The following FMNL2 variants were observed in gnomAD, a reference collection of about 807,000 sequenced individuals.
The protein encoded by FMNL2 is formin like 2.
FMNL2 carries 51 observed loss-of-function variants against 130.2 expected under a neutral mutation model. That is an observed-to-expected ratio of 0.39 (90% confidence interval 0.31 to 0.49). FMNL2 has a LOEUF of 0.49. Among genes scored for constraint, FMNL2 ranks in the 20% least tolerant of loss-of-function variants. The pLI, the probability that FMNL2 is intolerant of heterozygous loss-of-function variation, is 0.85. For missense variants in FMNL2, 977 were observed against 1,316.2 expected, an observed-to-expected ratio of 0.74 and a Z score of 3.99; for synonymous variants, 465 against 467.1, an observed-to-expected ratio of 1.00 and a Z score of 0.06.
At chr2:152,449,085 G>GGT (rs1308232010) in intron 1 of FMNL2, among the ~76,000 whole-genome samples, 2 of 152,258 alleles carry the variant, frequency 1.3e-5, no homozygotes, top group Non-Finnish European at 2.9e-5. Flanking sequence ...CAACAGAAGG[G>GGT]GTGTTCAATA....
chr2:152,566,277 A>G (rs1183767050), intron 6 of FMNL2, among the ~76,000 whole-genome samples: 2 of 152,242 alleles, frequency 1.3e-5, no homozygotes, highest in African/African-American at 4.8e-5. Flanking sequence ...TCAGTGGTAC[A>G]AAGATACAGA....
chr2:152,622,901 C>T (rs765998044), intron 15 of FMNL2, among the ~76,000 whole-genome samples: 16 of 151,638 alleles, frequency 1.1e-4, no homozygotes, highest in Non-Finnish European at 2.2e-4. Context: ...TGCCAGGTGC[C>T]CCTTTTCCAT....
chr2:152,377,672 C>T (rs1684246928), intron 1 of FMNL2, among the ~76,000 whole-genome samples: 1 of 152,114 alleles, frequency 6.6e-6, no homozygotes, highest in Non-Finnish European at 1.5e-5. Flanking sequence ...GAATAAGACT[C>T]TAAAAAGTGG....
At chr2:152,610,238 C>T (rs1698604561) in intron 10 of FMNL2, among the ~76,000 whole-genome samples, 1 of 152,150 alleles carries the variant, frequency 6.6e-6, no homozygotes, top group African/African-American at 2.4e-5. Context: ...TAATAATTTT[C>T]ACATTTTGTA....
chr2:152,381,904 C>T (rs1198279895), intron 1 of FMNL2, among the ~76,000 whole-genome samples: 1 of 151,750 alleles, frequency 6.6e-6, no homozygotes, highest in Non-Finnish European at 1.5e-5. Flanking sequence ...CTCAATAGAT[C>T]TGCCCACCTC....
intron 1 of FMNL2, among the ~76,000 whole-genome samples, chr2:152,441,117 G>GA (rs1226388360): frequency 3.3e-5 from 5 of 152,308 alleles, no homozygotes; most frequent in African/African-American, 1.2e-4. Flanking sequence ...TTTAGACTTG[G>GA]AGTTGACCTT....
At chr2:152,620,244 A>T (rs1250021040) in intron 15 of FMNL2, among the ~76,000 whole-genome samples, 3 of 152,078 alleles carry the variant, frequency 2.0e-5, no homozygotes, top group African/African-American at 7.2e-5. Flanking sequence ...GCTAGAGTGG[A>T]TTTAAACTTC....
At chr2:152,542,682 GCTGA>G (rs1398226074) in intron 2 of FMNL2, 53 bp from the exon 3 acceptor site, 13 of 1,564,970 alleles carry the variant, frequency 8.3e-6, no homozygotes, top group Middle Eastern at 1.7e-4. Flanking sequence ...ATCTGATGTG[GCTGA>G]CTGTGTCATG....
chr2:152,451,347 A>G (rs1006004031), intron 1 of FMNL2, among the ~76,000 whole-genome samples: 2 of 151,764 alleles, frequency 1.3e-5, no homozygotes, highest in Admixed American at 6.6e-5. Context: ...ACGGGGTTTC[A>G]CCATGTTGGC....
At chr2:152,594,916 T>C (rs1423303497) in intron 9 of FMNL2, among the ~76,000 whole-genome samples, 1 of 152,214 alleles carries the variant, frequency 6.6e-6, no homozygotes, top group East Asian at 1.9e-4. Flanking sequence ...TTCCTACTTA[T>C]GGTCCAACAG....
chr2:152,607,042 G>T (rs1479698284), intron 9 of FMNL2, among the ~76,000 whole-genome samples: 1 of 92,806 alleles, frequency 1.1e-5, no homozygotes, highest in Admixed American at 1.5e-4. Context: ...CTGCATTCTT[G>T]GATTCCAAAT....
intron 4 of FMNL2, among the ~76,000 whole-genome samples, chr2:152,556,499 T>G (rs1370982262): frequency 2.6e-5 from 4 of 152,232 alleles, no homozygotes; most frequent in Non-Finnish European, 5.9e-5. Flanking sequence ...GGATAAGGAC[T>G]CTGAAGTGAA....
At chr2:152,516,896 T>C (rs565855891) in intron 1 of FMNL2, among the ~76,000 whole-genome samples, 1 of 152,330 alleles carries the variant, frequency 6.6e-6, no homozygotes, top group East Asian at 1.9e-4. Context: ...TCAGGAATTT[T>C]GGGATATTCT....
chr2:152,368,599 T>C (rs1053074419), intron 1 of FMNL2, among the ~76,000 whole-genome samples: 15 of 152,120 alleles, frequency 9.9e-5, no homozygotes, highest in Admixed American at 2.0e-4. Flanking sequence ...TTTGGGTTGG[T>C]ACTTCAGGCT....
chr2:152,642,421 T>C (rs192927385), intron 25 of FMNL2, among the ~76,000 whole-genome samples: 2 of 152,268 alleles, frequency 1.3e-5, no homozygotes. Context: ...ATTAAAGCAG[T>C]GTAGGTCTTA....
intron 4 of FMNL2, among the ~76,000 whole-genome samples, chr2:152,552,430 T>G (rs1694984673): frequency 6.6e-6 from 1 of 152,188 alleles, no homozygotes; most frequent in Admixed American, 6.5e-5. Flanking sequence ...ATTTACAATC[T>G]ACTTGTCCTA....
chr2:152,537,256 G>T (rs909929931), intron 2 of FMNL2, among the ~76,000 whole-genome samples: 1 of 152,184 alleles, frequency 6.6e-6, no homozygotes, highest in East Asian at 1.9e-4. Flanking sequence ...TTTTCACAAT[G>T]GTCTAGTTTC....
intron 1 of FMNL2, among the ~76,000 whole-genome samples, chr2:152,514,363 A>G (rs1488069485): frequency 6.6e-6 from 1 of 152,106 alleles, no homozygotes; most frequent in Non-Finnish European, 1.5e-5. Context: ...GTCTCACGCT[A>G]CCCACTCCTT....
At position 152,648,542 on chromosome 2, in the gene FMNL2, T is replaced by C. The variant is rs1170040857; in HGVS notation, c.*637T>C. On this transcript the variant is annotated 3_prime_UTR_variant, in exon 26 of 26. Transcript: ENST00000288670. ...ATTCACTAGTATGAATGTGGGGATA[T>C]AGTGTATAAGACTTATTTGCAGTAC... The C allele has an allele frequency of 1.3e-5, 2 of 152,998 alleles. No homozygotes were observed. Among genetic ancestry groups the C allele is most frequent in the Non-Finnish European group, 2.9e-5 (2 of 68,388 alleles). The allele number at this position is 152,998 out of a possible 1,614,324, so 9.5% of individuals were successfully genotyped here.
Sources: allele counts gnomAD v4.1 joint callset (sites outside exome capture counted in the v4.1 genomes callset), GRCh38; gene constraint gnomAD v4.1.1; transcripts MANE v1.5; gene names NCBI Gene and HGNC (gene_info 2026-07-23, HGNC 2026-07-21).